CTNNBL1: variants seen among roughly 807,000 people sequenced by gnomAD.
CTNNBL1 encodes the protein beta-catenin-like protein 1.
Under a neutral mutation model 72.7 loss-of-function variants are expected in CTNNBL1, and 31 were observed. The observed-to-expected ratio is 0.43, with a 90% CI of 0.32 to 0.58. CTNNBL1 has a LOEUF of 0.58. Ranked by LOEUF, CTNNBL1 falls within the 20% of genes least tolerant of loss-of-function variation. The pLI is 0.08. For missense variants in CTNNBL1, 534 were observed against 725.1 expected, an observed-to-expected ratio of 0.74 and a Z score of 3.03; for synonymous variants, 240 against 267.3, an observed-to-expected ratio of 0.90 and a Z score of 1.00.
intron 4 of CTNNBL1, among the ~76,000 whole-genome samples, chr20:37,756,871 T>C (rs2073370297): frequency 6.6e-6 from 1 of 151,956 alleles, no homozygotes; most frequent in Non-Finnish European, 1.5e-5. Flanking sequence ...GGTTTCAAAC[T>C]CCTGAGCTCA....
rs767395462 is a variant in CTNNBL1, at chr20:37,732,967, G to A, written c.119G>A (p.Arg40His). The change falls in exon 2 of 16, where the codon CGC (arginine) becomes CAC (histidine). Residue 40 changes from arginine (R) to histidine (H), a missense_variant. Physicochemically the swap from Arg to His is conservative, Grantham distance 29. Coordinates refer to ENST00000361383, the MANE Select transcript of CTNNBL1 (RefSeq NM_030877.5). Reference sequence around the variant, plus strand: ...CAAACTGGTACTCGAGAACGCGGCCGCTATCGGGAAGAAGAAATGACTGTG... The same window carrying A: ...CAAACTGGTACTCGAGAACGCGGCCACTATCGGGAAGAAGAAATGACTGTG... Reference protein sequence around the residue: ...RKQTGTRERGRYREEEMTVVE... With the variant: ...RKQTGTRERGHYREEEMTVVE... 8.7e-6 allele frequency: 14 copies of A among 1,614,046 alleles called. No individual in the cohort carries two copies. Among genetic ancestry groups the A allele is most frequent in the South Asian group, 2.2e-5 (2 of 91,066 alleles).
At chr20:37,809,531 T>C (rs6013118) in intron 11 of CTNNBL1, among the ~76,000 whole-genome samples, 3 of 152,306 alleles carry the variant, frequency 2.0e-5, no homozygotes, top group Admixed American at 6.5e-5. Flanking sequence ...CAGTGGGTAA[T>C]TGGCTAAACT....
intron 10 of CTNNBL1, 54 bp downstream of exon 10, chr20:37,779,389 T>G (rs922227696): frequency 6.3e-7 from 1 of 1,586,356 alleles, no homozygotes; most frequent in Non-Finnish European, 8.6e-7. Context: ...TTTTCACTGT[T>G]AGCCTGAATT....
chr20:37,775,176 C>T (rs2073563173), intron 7 of CTNNBL1, among the ~76,000 whole-genome samples: 1 of 152,144 alleles, frequency 6.6e-6, no homozygotes, highest in Non-Finnish European at 1.5e-5. Context: ...GAAGATAATA[C>T]ACACAAATTG....
At chr20:37,733,251 T>A (rs2073145244) in intron 2 of CTNNBL1, among the ~76,000 whole-genome samples, 184 bp downstream of exon 2, 1 of 152,160 alleles carries the variant, frequency 6.6e-6, no homozygotes, top group Non-Finnish European at 1.5e-5. Context: ...TCTTATGAGA[T>A]GTAAAGAATG....
chr20:37,800,028 C>A (rs1282231871), intron 10 of CTNNBL1, among the ~76,000 whole-genome samples: 1 of 152,162 alleles, frequency 6.6e-6, no homozygotes, highest in Non-Finnish European at 1.5e-5. Context: ...TAGTCTGACC[C>A]AGGATAGCAC....
intron 7 of CTNNBL1, among the ~76,000 whole-genome samples, chr20:37,773,017 T>G (rs1424124140): frequency 6.6e-6 from 1 of 152,232 alleles, no homozygotes; most frequent in Non-Finnish European, 1.5e-5. Flanking sequence ...TGCATCACAA[T>G]TAATGTTTTT....
intron 5 of CTNNBL1, among the ~76,000 whole-genome samples, chr20:37,759,780 C>G (rs1748310626): frequency 6.6e-6 from 1 of 152,084 alleles, no homozygotes; most frequent in African/African-American, 2.4e-5. Context: ...TATCAGAGAA[C>G]AGAACCAGCG....
At chr20:37,715,173 T>C (rs1451220217) in intron 1 of CTNNBL1, among the ~76,000 whole-genome samples, 1 of 152,218 alleles carries the variant, frequency 6.6e-6, no homozygotes, top group African/African-American at 2.4e-5. Flanking sequence ...GCAAGATGAT[T>C]TCTCAATCTC....
chr20:37,807,314 T>G (rs969065900), intron 11 of CTNNBL1, among the ~76,000 whole-genome samples: 7 of 152,200 alleles, frequency 4.6e-5, no homozygotes, highest in Admixed American at 1.3e-4. Context: ...GACCTTAAAC[T>G]GTCTCCACCT....
At chr20:37,831,395 C>T (rs1415698676) in intron 11 of CTNNBL1, among the ~76,000 whole-genome samples, 1 of 150,482 alleles carries the variant, frequency 6.6e-6, no homozygotes, top group African/African-American at 2.5e-5. Context: ...AGATAGAGTC[C>T]TGCTCTGACA....
chr20:37,734,869 A>T lies in CTNNBL1; in HGVS notation c.219+1802A>T, dbSNP rs183725514. On this transcript the variant is annotated intron_variant, in intron 2 of 15. Coordinates refer to ENST00000361383, the MANE Select transcript of CTNNBL1 (RefSeq NM_030877.5). ...CCCAGTGTTGGAGAGAAATTAAAGG[A>T]GGGAAGGCCAAACCCCGGAGAGGCT... 1.0e-3 allele frequency among the ~76,000 whole-genome samples: 153 copies of T among 152,344 alleles called. 1 individual carries two copies. Among genetic ancestry groups the T allele is most frequent in the Admixed American group, 1.8e-3 (27 of 15,310 alleles).
intron 10 of CTNNBL1, among the ~76,000 whole-genome samples, chr20:37,788,565 G>A (rs1000325696): frequency 3.9e-5 from 6 of 152,212 alleles, no homozygotes; most frequent in Middle Eastern, 3.2e-3. Context: ...TGATCTTGAG[G>A]CTCAGGGGAG....
chr20:37,740,997 T>G (rs2073210803), intron 3 of CTNNBL1, among the ~76,000 whole-genome samples: 1 of 152,186 alleles, frequency 6.6e-6, no homozygotes, highest in Non-Finnish European at 1.5e-5. Context: ...GCTTTCCCAG[T>G]GTTTTTGAAC....
chr20:37,793,256 T>A (rs2073741823), intron 10 of CTNNBL1, among the ~76,000 whole-genome samples: 1 of 152,254 alleles, frequency 6.6e-6, no homozygotes, highest in African/African-American at 2.4e-5. Flanking sequence ...GGGATATGTC[T>A]ATTTTTCCTT....
At chr20:37,755,940 A>G (rs1034478907) in intron 4 of CTNNBL1, among the ~76,000 whole-genome samples, 1 of 152,038 alleles carries the variant, frequency 6.6e-6, no homozygotes, top group African/African-American at 2.4e-5. Context: ...TTCTTTCCAA[A>G]TACTATTTTC....
At chr20:37,847,181 T>G (rs960698710) in intron 13 of CTNNBL1, among the ~76,000 whole-genome samples, 3 of 152,198 alleles carry the variant, frequency 2.0e-5, no homozygotes, top group Admixed American at 1.3e-4. Context: ...TTCTGTGGCA[T>G]AACTATAGCA....
At chr20:37,719,845 C>CA (rs1455260122) in intron 1 of CTNNBL1, among the ~76,000 whole-genome samples, 8 of 141,418 alleles carry the variant, frequency 5.7e-5, no homozygotes. Flanking sequence ...CTTTTCTTTT[C>CA]TTTTTTTTTT....
Position 37,732,907 on chromosome 20 carries a change from A to T in CTNNBL1, c.59A>T (p.Asp20Val). Residue 20 changes from aspartate to valine, a missense_variant, in exon 2 of 16, where the codon GAT becomes GTT. Physicochemically the swap from Asp to Val is radical, Grantham distance 152. Transcript: ENST00000361383. ...QPNRGTKRPR[D>V]DEEEEQKMRR... ...AATAGGGGCACAAAACGTCCCCGGG[A>T]TGATGAAGAGGAGGAGCAGAAGATG... The T allele has an allele frequency of 6.2e-7, 1 of 1,613,802 alleles. No individual in the cohort carries two copies. The highest frequency in any genetic ancestry group is 8.5e-7 in the Non-Finnish European group (1 of 1,179,968).
Sources: allele counts gnomAD v4.1 joint callset (sites outside exome capture counted in the v4.1 genomes callset), GRCh38; gene constraint gnomAD v4.1.1; transcripts MANE v1.5; gene names NCBI Gene and HGNC (gene_info 2026-07-23, HGNC 2026-07-21).